The following MRTFB variants were observed in gnomAD, a reference collection of about 807,000 sequenced individuals.
MRTFB encodes the protein myocardin-related transcription factor B.
MRTFB carries 29 observed loss-of-function variants against 104.2 expected under a neutral mutation model. The ratio of observed to expected loss-of-function variants is 0.28; its 90% CI spans 0.21 to 0.38. The LOEUF (loss-of-function observed/expected upper bound fraction) is 0.38, where lower values mean the gene tolerates loss of function less well. MRTFB is among the 10% of genes least tolerant of loss of function. MRTFB has a pLI of 1.00. For synonymous variants in MRTFB, 535 were observed against 519.5 expected (o/e 1.03, Z -0.41); for missense variants, 1,270 against 1,341.6 (o/e 0.95, Z 0.83).
At chr16:14,226,611 C>T (rs899797273) in intron 8 of MRTFB, among the ~76,000 whole-genome samples, 1 of 152,106 alleles carries the variant, frequency 6.6e-6, no homozygotes, top group African/African-American at 2.4e-5. Context: ...CTTCATTACA[C>T]TGGATTGGTT....
the MRTFB span, among the ~76,000 whole-genome samples, chr16:14,036,246 T>C: frequency 1.2e-3 from 162 of 130,702 alleles, no homozygotes; most frequent in Non-Finnish European, 1.9e-3. Context: ...ATAATATATG[T>C]TATACTATAT....
intron 8 of MRTFB, among the ~76,000 whole-genome samples, chr16:14,226,131 T>C (rs945843542): frequency 6.6e-6 from 1 of 152,208 alleles, no homozygotes; most frequent in Non-Finnish European, 1.5e-5. Context: ...AGACTTAATA[T>C]TGTTAATATG....
chr16:14,232,036 A>G (rs1326738099), intron 8 of MRTFB, among the ~76,000 whole-genome samples: 2 of 152,244 alleles, frequency 1.3e-5, no homozygotes, highest in Non-Finnish European at 2.9e-5. Flanking sequence ...CTAGAAATTT[A>G]GGCAAGACAT....
rs763353946 is a variant in MRTFB at position 14,260,980 on chromosome 16, A to G, written c.2836A>G (p.Thr946Ala). The G allele has an allele frequency of 5.0e-6, 8 of 1,614,210 alleles. No individual in the cohort carries two copies. The highest frequency in any genetic ancestry group is 1.1e-5 in the South Asian group (1 of 91,078). ...GAGACCAGTGACAGCCAGCATCACC[A>G]CAATGCCAGTGAATACAGTGGTGTC... ...KMRPVTASIT[T>A]MPVNTVVSRP... Residue 946 changes from threonine to alanine, a missense_variant, in exon 17 of 17, where the codon ACA becomes GCA. Coordinates refer to ENST00000571589, the MANE Select transcript of MRTFB (RefSeq NM_001308142.2).
At chr16:14,246,451 T>G in intron 11 of MRTFB, 22 bp from the exon 12 acceptor site, 12 of 1,609,118 alleles carry the variant, frequency 7.5e-6, no homozygotes, top group Non-Finnish European at 1.0e-5. Context: ...TACTAAGATA[T>G]CTGCTTTGTT....
chr16:14,172,034 T>C (rs1262696614), intron 3 of MRTFB, among the ~76,000 whole-genome samples: 1 of 152,196 alleles, frequency 6.6e-6, no homozygotes, highest in Admixed American at 6.5e-5. Context: ...GCTAATTTTA[T>C]TCATTTCTGA....
At chr16:14,245,725 G>C in intron 11 of MRTFB, 65 bp downstream of exon 11, 3 of 1,544,902 alleles carry the variant, frequency 1.9e-6, no homozygotes, top group Non-Finnish European at 2.6e-6. Flanking sequence ...ATTTGCCAGC[G>C]TTGTCTAGCA....
chr16:14,196,648 A>G (rs2040445209), intron 3 of MRTFB, among the ~76,000 whole-genome samples: 1 of 152,226 alleles, frequency 6.6e-6, no homozygotes. Flanking sequence ...TTAATATCAA[A>G]ATTCCTGATC....
At chr16:14,106,064 AT>A (rs1188606219) in intron 2 of MRTFB, among the ~76,000 whole-genome samples, 1 of 152,220 alleles carries the variant, frequency 6.6e-6, no homozygotes, top group African/African-American at 2.4e-5. Flanking sequence ...CACAATAATG[AT>A]TTCAAGAACA....
At chr16:14,135,393 C>G (rs185094291) in intron 2 of MRTFB, among the ~76,000 whole-genome samples, 3 of 152,356 alleles carry the variant, frequency 2.0e-5, no homozygotes, top group Admixed American at 2.0e-4. Flanking sequence ...GACACACATA[C>G]TTACCATTGT....
chr16:14,172,046 T>G (rs1157770180), intron 3 of MRTFB, among the ~76,000 whole-genome samples: 1 of 152,138 alleles, frequency 6.6e-6, no homozygotes, highest in Non-Finnish European at 1.5e-5. Flanking sequence ...CATTTCTGAG[T>G]ACTGAAATAT....
At chr16:14,105,488 C>T (rs1567327763) in intron 2 of MRTFB, among the ~76,000 whole-genome samples, 2 of 151,992 alleles carry the variant, frequency 1.3e-5, no homozygotes, top group Admixed American at 6.6e-5. Context: ...GCCTTAAACT[C>T]CTGTGCTCAA....
In MRTFB at chr16:14,147,439, A is replaced by G. The variant is rs148531561; in HGVS notation, c.154+6679A>G. On this transcript the variant is annotated intron_variant, in intron 3 of 16. Transcript: ENST00000571589. ...CATAATAACCTTTATGATGTCTCCTATTAGTATGTTTTGATTCACAGTGTA... is the reference window on the plus strand; with the variant it reads ...CATAATAACCTTTATGATGTCTCCTGTTAGTATGTTTTGATTCACAGTGTA... 2.5e-3 allele frequency among the ~76,000 whole-genome samples: 383 copies of G among 152,270 alleles called. 1 individual carries two copies. Among genetic ancestry groups the G allele is most frequent in the African/African-American group, 8.7e-3 (361 of 41,556 alleles).
chr16:14,089,267 T>G (rs975511391), intron 2 of MRTFB, among the ~76,000 whole-genome samples: 1 of 152,152 alleles, frequency 6.6e-6, no homozygotes, highest in Non-Finnish European at 1.5e-5. Flanking sequence ...CAGGACACTT[T>G]CATCACCCCA....
At chr16:14,199,457 A>G (rs2040585159) in intron 3 of MRTFB, among the ~76,000 whole-genome samples, 1 of 152,172 alleles carries the variant, frequency 6.6e-6, no homozygotes, top group South Asian at 2.1e-4. Context: ...CCATGTAGCC[A>G]ACTGCCATTT....
At chr16:14,036,064 T>C in the MRTFB span, among the ~76,000 whole-genome samples, 76 of 143,236 alleles carry the variant, frequency 5.3e-4, 1 homozygote, top group African/African-American at 1.9e-3. Context: ...AATTCATTCC[T>C]TTTTATGGCT....
intron 8 of MRTFB, 83 bp downstream of exon 8, chr16:14,219,081 G>A: frequency 7.8e-7 from 1 of 1,283,006 alleles, no homozygotes; most frequent in Non-Finnish European, 1.0e-6. Context: ...ACTTTGACCA[G>A]AAGAAAATTC....
chr16:14,186,966 G>A, intron 3 of MRTFB: 1 of 1,598,184 alleles, frequency 6.3e-7, no homozygotes, highest in East Asian at 2.2e-5. Context: ...GATTTTAACT[G>A]CTGGGGATTT....
At chr16:14,137,702 A>G (rs914554736) in intron 2 of MRTFB, among the ~76,000 whole-genome samples, 1 of 152,150 alleles carries the variant, frequency 6.6e-6, no homozygotes, top group African/African-American at 2.4e-5. Context: ...TTTATTTGAT[A>G]TTAATATAGT....
Sources: allele counts gnomAD v4.1 joint callset (sites outside exome capture counted in the v4.1 genomes callset), GRCh38; gene constraint gnomAD v4.1.1; transcripts MANE v1.5; gene names NCBI Gene and HGNC (gene_info 2026-07-23, HGNC 2026-07-21).